The following ZNF573 variants were observed in gnomAD, a reference collection of about 807,000 sequenced individuals.
The protein encoded by ZNF573 is zinc finger protein 573.
Under a neutral mutation model 57.4 loss-of-function variants are expected in ZNF573, and 41 were observed. The observed-to-expected ratio is 0.71, with a 90% confidence interval of 0.56 to 0.93. ZNF573 has a LOEUF of 0.93. Ranked by LOEUF, ZNF573 falls within the 40% of genes least tolerant of loss-of-function variation. ZNF573 has a pLI of 0.00. For missense variants in ZNF573, 730 were observed against 794.8 expected (o/e 0.92, Z 0.98); for synonymous variants, 249 against 261.0 (o/e 0.95, Z 0.44).
At chr19:37,741,610 G>A (rs1304451618) in intron 4 of ZNF573, among the ~76,000 whole-genome samples, 1 of 152,024 alleles carries the variant, frequency 6.6e-6, no homozygotes, top group African/African-American at 2.4e-5. Flanking sequence ...TACAGAAAAG[G>A]CCTTTGATAA....
chr19:37,757,250 A>C (rs1179612000), intron 4 of ZNF573, among the ~76,000 whole-genome samples: 1 of 152,000 alleles, frequency 6.6e-6, no homozygotes, highest in Non-Finnish European at 1.5e-5. Flanking sequence ...AGGCTAGAGT[A>C]CAGTCGCATG....
intron 4 of ZNF573, among the ~76,000 whole-genome samples, chr19:37,741,700 C>G (rs1007602120): frequency 2.0e-5 from 3 of 152,086 alleles, no homozygotes; most frequent in African/African-American, 7.2e-5. Context: ...CTATTTATGA[C>G]AAACCCACAG....
At chr19:37,770,138 C>T (rs748663709) in intron 3 of ZNF573, 41 bp from the exon 4 acceptor site, 1 of 1,437,848 alleles carries the variant, frequency 7.0e-7, no homozygotes, top group East Asian at 2.5e-5. Flanking sequence ...AAAATAAAAA[C>T]AAAAGTAACA....
At chr19:37,757,363 A>AT (rs1286993058) in intron 4 of ZNF573, among the ~76,000 whole-genome samples, 1 of 151,870 alleles carries the variant, frequency 6.6e-6, no homozygotes, top group Non-Finnish European at 1.5e-5. Flanking sequence ...CGCCCGGCTA[A>AT]TTTTTTGTAT....
At chr19:37,774,705 C>T (rs1203442252) in intron 1 of ZNF573, among the ~76,000 whole-genome samples, 1 of 152,110 alleles carries the variant, frequency 6.6e-6, no homozygotes, top group Non-Finnish European at 1.5e-5. Flanking sequence ...ATCATTGGAT[C>T]GTTAAAAAGA....
chr19:37,764,264 G>A, intron 4 of ZNF573, among the ~76,000 whole-genome samples: 1 of 150,046 alleles, frequency 6.7e-6, no homozygotes, highest in African/African-American at 2.4e-5. Flanking sequence ...TTATTTTTAT[G>A]TAAATATGTA....
chr19:37,750,447 A>G (rs2045422704), intron 4 of ZNF573, among the ~76,000 whole-genome samples: 1 of 152,208 alleles, frequency 6.6e-6, no homozygotes, highest in Non-Finnish European at 1.5e-5. Context: ...TGAAACCTAA[A>G]GAAAACATTA....
chr19:37,763,612 G>A (rs2045573160), intron 4 of ZNF573, among the ~76,000 whole-genome samples: 1 of 151,926 alleles, frequency 6.6e-6, no homozygotes, highest in Non-Finnish European at 1.5e-5. Flanking sequence ...AGTCATAAGG[G>A]AGAAAGCATA....
chr19:37,777,620 T>C (rs1218166429), intron 1 of ZNF573, among the ~76,000 whole-genome samples: 3 of 151,626 alleles, frequency 2.0e-5, no homozygotes, highest in Non-Finnish European at 4.4e-5. Flanking sequence ...ATAATAATGA[T>C]ATAATGGATC....
At chr19:37,755,089 C>G (rs1487343098) in intron 4 of ZNF573, 1 of 152,242 alleles carries the variant, frequency 6.6e-6, no homozygotes, top group Non-Finnish European at 1.5e-5. Flanking sequence ...CCTGCCTCAG[C>G]CTCCTGAGTA....
rs1175258327 is a variant in ZNF573 at position 37,771,563 on chromosome 19, C to T, written c.202+1G>A. ...AAATTACTTGAGGCAAATAAACTTA[C>T]CCAGTGATACCAGGTTTCTATAGTT... On this transcript the variant is annotated splice_donor_variant, in intron 3 of 4. Transcript: ENST00000536220. LOFTEE classifies it high-confidence loss of function. 1.9e-6 allele frequency: 3 copies of T among 1,609,344 alleles called. No individual in the cohort carries two copies. The highest frequency in any genetic ancestry group is 2.5e-6 in the Non-Finnish European group (3 of 1,178,040).
intron 4 of ZNF573, among the ~76,000 whole-genome samples, chr19:37,747,830 G>A (rs1490477381): frequency 6.6e-6 from 1 of 152,088 alleles, no homozygotes; most frequent in Non-Finnish European, 1.5e-5. Context: ...GGGACTACAG[G>A]CGCCTGACAC....
At chr19:37,777,412 AG>A (rs2045719512) in intron 1 of ZNF573, among the ~76,000 whole-genome samples, 1 of 152,220 alleles carries the variant, frequency 6.6e-6, no homozygotes, top group African/African-American at 2.4e-5. Context: ...AAGTGGATAA[AG>A]AAAATTTGGT....
chr19:37,779,461 T>C (rs2045743045), intron 1 of ZNF573, 83 bp downstream of exon 1: 1 of 152,322 alleles, frequency 6.6e-6, no homozygotes, highest in Admixed American at 6.5e-5. Context: ...TGGTTTAGGT[T>C]GGGCTCCAAC....
Position 37,739,272 on chromosome 19 carries a change from T to C in ZNF573, c.1218A>G (p.Lys406=), listed in dbSNP as rs369363505. The C allele has an allele frequency of 5.6e-6, 9 of 1,614,052 alleles. No individual in the cohort carries two copies. The highest frequency in any genetic ancestry group is 7.6e-6 in the Non-Finnish European group (9 of 1,180,006). The change falls in exon 5 of 5, where the codon AAA becomes AAG. Residue 406 remains lysine, a synonymous_variant. Transcript: ENST00000536220. ...TTGSKLFQHQ[K]THTGEKPYEC... ...CATAGGGTTTCTCGCCAGTATGAGT[T>C]TTCTGATGTTGAAAGAGTTTTGAAC...
rs907646105 is a variant in ZNF573, at chr19:37,770,119, C to G, written c.203-22G>C. On this transcript the variant is annotated intron_variant, in intron 3 of 4. Transcript: ENST00000536220. ...CCTCCTTATAAGAAAAGAAATGCCA[C>G]ATGGTATAAAAATAAAAACAAAAGT... is the stretch of plus-strand genomic sequence containing the variant. The G allele has an allele frequency of 4.1e-5, 62 of 1,511,286 alleles. No homozygotes were observed. In the African/African-American group the frequency reaches 8.3e-4, roughly 20 times the overall value. 93.6% of individuals were successfully genotyped at this position (1,511,286 alleles called of 1,614,324 possible). A position where few individuals can be genotyped will look rare whatever the true frequency, so the allele number is the denominator to read the frequency against.
intron 4 of ZNF573, among the ~76,000 whole-genome samples, chr19:37,752,075 G>GTA (rs1188192613): frequency 5.3e-5 from 8 of 151,324 alleles, no homozygotes; most frequent in South Asian, 2.1e-4. Flanking sequence ...GACTATGTGT[G>GTA]TATATATATA....
rs745865252 is a variant in ZNF573 at position 37,739,388 on chromosome 19, T to TATAGAAAAC, written c.1101_1102insGTTTTCTAT (p.Phe367_Thr368insValPheTyr). 1 of 1,613,852 alleles carries TATAGAAAAC rather than the reference T, an allele frequency of 6.2e-7. No individual in the cohort carries two copies. Among genetic ancestry groups the TATAGAAAAC allele is most frequent in the African/African-American group, 1.3e-5 (1 of 74,882 alleles). ...TGCCGAGTAAGATTTCTATACAAAG[T>TATAGAAAAC]AAAGGTTTTCTTACACTCCTTACAT... On this transcript the variant is annotated inframe_insertion, in exon 5 of 5. Coordinates refer to ENST00000536220, the MANE Select transcript of ZNF573 (RefSeq NM_001172690.2).
intron 4 of ZNF573, among the ~76,000 whole-genome samples, chr19:37,753,206 C>T (rs1256042039): frequency 2.0e-5 from 3 of 151,938 alleles, no homozygotes; most frequent in Non-Finnish European, 4.4e-5. Context: ...TGTTATATTT[C>T]ACAGTAAAAT....
Sources: gnomAD v4.1 joint callset for allele counts (sites outside exome capture counted in the v4.1 genomes callset) on GRCh38, gnomAD v4.1.1 for gene constraint, MANE v1.5 for transcripts, NCBI Gene and HGNC (gene_info 2026-07-23, HGNC 2026-07-21) for gene names.